Variants in ZNF536 observed in about 807,000 individuals in gnomAD.
ZNF536 encodes the protein zinc finger protein 536.
ZNF536 carries 13 observed loss-of-function variants against 84.5 expected under a neutral mutation model. The observed-to-expected ratio is 0.15, with a 90% CI of 0.10 to 0.24. The LOEUF is 0.24. Among genes scored for constraint, ZNF536 ranks in the 10% least tolerant of loss-of-function variants. ZNF536 has a pLI of 1.00. For missense variants in ZNF536, 1,536 were observed against 1,747.5 expected (o/e 0.88, Z 2.16); for synonymous variants, 811 against 742.5 (o/e 1.09, Z -1.50).
chr19:30,675,468 G>A (rs1032450195), intron 1 of ZNF536, among the ~76,000 whole-genome samples: 1 of 152,142 alleles, frequency 6.6e-6, no homozygotes, highest in African/African-American at 2.4e-5. Flanking sequence ...TACTCTCAGG[G>A]CAACTTTTCA....
intron 2 of ZNF536, among the ~76,000 whole-genome samples, chr19:30,289,488 C>T (rs1004013216): frequency 2.0e-5 from 3 of 152,188 alleles, no homozygotes; most frequent in Non-Finnish European, 4.4e-5. Context: ...CCTGAGAGGC[C>T]GGACCACCCC....
At chr19:30,375,216 C>T (rs1181236554) in intron 1 of ZNF536, among the ~76,000 whole-genome samples, 1 of 148,910 alleles carries the variant, frequency 6.7e-6, no homozygotes, top group East Asian at 2.0e-4. Flanking sequence ...GGCGGTAGTG[C>T]CACCCCGAGG....
At chr19:30,472,875 C>T (rs1415985671) in intron 2 of ZNF536, among the ~76,000 whole-genome samples, 2 of 151,990 alleles carry the variant, frequency 1.3e-5, no homozygotes, top group Non-Finnish European at 2.9e-5. Context: ...ATTCTGCCCC[C>T]TTTCTCACTT....
intron 2 of ZNF536, among the ~76,000 whole-genome samples, chr19:30,330,185 T>C (rs867897805): frequency 5.3e-5 from 8 of 152,198 alleles, no homozygotes; most frequent in Middle Eastern, 3.2e-3. Flanking sequence ...ATCAGAAAGC[T>C]GGGAGGCGCC....
intron 2 of ZNF536, among the ~76,000 whole-genome samples, chr19:30,343,492 C>T (rs190165825): frequency 1.7e-4 from 26 of 152,184 alleles, no homozygotes; most frequent in Admixed American, 1.4e-3. Context: ...GGTGAGGCTC[C>T]GACTTAAGGG....
chr19:30,701,530 AAC>A (rs1207814552), intron 1 of ZNF536, among the ~76,000 whole-genome samples: 1 of 146,440 alleles, frequency 6.8e-6, no homozygotes, highest in Non-Finnish European at 1.5e-5. Flanking sequence ...CAGACACACA[AAC>A]ACACAGACAC....
At chr19:30,283,989 A>G (rs574400809) in intron 1 of ZNF536, 2 of 152,326 alleles carry the variant, frequency 1.3e-5, no homozygotes, top group East Asian at 3.9e-4. Context: ...GCAAATTGTT[A>G]CTTTGGATGA....
chr19:30,445,161 G>T lies in ZNF536; in HGVS notation c.1599G>T (p.Met533Ile). The T allele has an allele frequency of 6.2e-7, 1 of 1,614,156 alleles. No homozygotes were observed. The highest frequency in any genetic ancestry group is 2.2e-5 in the East Asian group (1 of 44,844). ...AWQLMARGMA[M>I]EHGFLSKEHP... is the part of the protein sequence containing the mutation. ...AGCTCATGGCCAGGGGCATGGCCAT[G>T]GAACATGGCTTCTTGTCTAAAGAGC... The change falls in exon 2 of 5, where the codon ATG becomes ATT. Residue 533 changes from methionine (M) to isoleucine (I), a missense_variant. By Grantham distance (10) the Met-to-Ile change is conservative. Transcript: ENST00000355537. This position sits in a 1 kb window ranked among gnomAD's most constrained non-coding sequence, Gnocchi z 4.5.
intron 2 of ZNF536, among the ~76,000 whole-genome samples, chr19:30,308,711 A>G (rs1215312665): frequency 6.6e-6 from 1 of 152,142 alleles, no homozygotes; most frequent in Non-Finnish European, 1.5e-5. Context: ...TCCTCTCCAG[A>G]CAGCTTGGGA....
At chr19:30,692,438 A>G (rs1463303332) in intron 1 of ZNF536, among the ~76,000 whole-genome samples, 3 of 152,264 alleles carry the variant, frequency 2.0e-5, no homozygotes, top group Non-Finnish European at 2.9e-5. Flanking sequence ...TTTATATAAC[A>G]GTAATTCTGA....
At chr19:30,464,990 G>A (rs12973193) in intron 2 of ZNF536, among the ~76,000 whole-genome samples, 64,521 of 151,882 alleles carry the variant, frequency 0.42, 16,206 homozygotes, top group African/African-American at 0.69. Flanking sequence ...TGGGGCCGTC[G>A]GGGTTGATGA....
chr19:30,527,605 A>G (rs2044640938), intron 2 of ZNF536, among the ~76,000 whole-genome samples: 2 of 152,044 alleles, frequency 1.3e-5, no homozygotes, highest in Admixed American at 1.3e-4. Flanking sequence ...AACCACAGAG[A>G]CACCAAGTTG....
intron 1 of ZNF536, among the ~76,000 whole-genome samples, chr19:30,610,245 C>T (rs1213624415): frequency 6.6e-6 from 1 of 152,184 alleles, no homozygotes; most frequent in Non-Finnish European, 1.5e-5. Context: ...AGATCTAAAA[C>T]ATGGACCTAA....
At chr19:30,454,066 C>T (rs889963971) in intron 2 of ZNF536, among the ~76,000 whole-genome samples, 3 of 152,242 alleles carry the variant, frequency 2.0e-5, no homozygotes, top group East Asian at 1.9e-4. Context: ...AACACCTCCT[C>T]ACTTGCTTCC....
chr19:30,587,494 G>A (rs1002834381), intron 1 of ZNF536, among the ~76,000 whole-genome samples: 9 of 152,280 alleles, frequency 5.9e-5, no homozygotes, highest in Admixed American at 4.6e-4. Context: ...CATCCCCCGG[G>A]GGTGCCTGGT....
intron 2 of ZNF536, among the ~76,000 whole-genome samples, chr19:30,451,110 G>A (rs545053690): frequency 1.4e-3 from 214 of 152,374 alleles, no homozygotes; most frequent in Non-Finnish European, 2.6e-3. Context: ...AGCTGAGGTG[G>A]CCGCCCGCCT....
chr19:30,542,336 G>A (rs2045364629), intron 3 of ZNF536, among the ~76,000 whole-genome samples: 1 of 152,146 alleles, frequency 6.6e-6, no homozygotes, highest in South Asian at 2.1e-4. Flanking sequence ...TAGGTACCGT[G>A]AACTAATTAA....
rs991635836 is a variant in ZNF536 at position 30,472,986 on chromosome 19, G to A, written c.2170+27254G>A. On this transcript the variant is annotated intron_variant, in intron 2 of 4. Coordinates refer to ENST00000355537, the MANE Select transcript of ZNF536 (RefSeq NM_014717.3). ...GTGGGCAGATCACCTGAGGTCAGGA[G>A]TTCGAGACCAGCCTGGCCAACATGG... is the stretch of plus-strand genomic sequence containing the variant. 2.7e-5 allele frequency among the ~76,000 whole-genome samples: 4 copies of A among 149,872 alleles called. No individual in the cohort carries two copies. The East Asian group carries it at 7.8e-4, about 29-fold the overall frequency.
At chr19:30,491,720 T>C (rs1362899983) in intron 2 of ZNF536, among the ~76,000 whole-genome samples, 1 of 152,222 alleles carries the variant, frequency 6.6e-6, no homozygotes, top group Non-Finnish European at 1.5e-5. Flanking sequence ...TTCAGCCTCC[T>C]GTGTCCCCCA....
Sources: allele counts gnomAD v4.1 joint callset (sites outside exome capture counted in the v4.1 genomes callset), GRCh38; gene constraint gnomAD v4.1.1; non-coding constraint Gnocchi (gnomAD v3.1); transcripts MANE v1.5; gene names NCBI Gene and HGNC (gene_info 2026-07-23, HGNC 2026-07-21).